Variants in PGR observed in about 807,000 individuals in gnomAD.
The protein encoded by PGR is progesterone receptor, also known as nuclear receptor subfamily 3 group C member 3.
In PGR, 25 loss-of-function variants were observed where a neutral mutation model predicts 76.1. The observed-to-expected ratio is 0.33, with a 90% CI of 0.24 to 0.46. PGR has a LOEUF of 0.46. Ranked by LOEUF, PGR falls within the 20% of genes least tolerant of loss-of-function variation. PGR has a pLI of 1.00. For missense variants in PGR, 1,172 were observed against 1,225.3 expected, an observed-to-expected ratio of 0.96 and a Z score of 0.65; for synonymous variants, 579 against 535.0, an observed-to-expected ratio of 1.08 and a Z score of -1.14.
At chr11:101,102,906 C>G (rs1565359700) in intron 2 of PGR, among the ~76,000 whole-genome samples, 1 of 151,756 alleles carries the variant, frequency 6.6e-6, no homozygotes, top group African/African-American at 2.4e-5. Flanking sequence ...TGAAATTGTT[C>G]CACTTCAGAT....
intron 2 of PGR, among the ~76,000 whole-genome samples, chr11:101,123,325 TA>T (rs1263477853): frequency 6.6e-6 from 1 of 152,212 alleles, no homozygotes; most frequent in Non-Finnish European, 1.5e-5. Context: ...CTGTTTACTT[TA>T]AACTTCTGGC....
intron 3 of PGR, among the ~76,000 whole-genome samples, chr11:101,085,044 C>T (rs1462486082): frequency 6.6e-6 from 1 of 152,108 alleles, no homozygotes; most frequent in Non-Finnish European, 1.5e-5. Context: ...AGAAGACTAA[C>T]AAAGAAATTC....
Position 101,054,386 on chromosome 11 carries a change from C to T in PGR, c.2213-2818G>A, listed in dbSNP as rs112418354. ...TTTTTTAATTTGCATATGACTTGAA[C>T]GTGTCTTCAAGTATAGGTCTACATA... On this transcript the variant is annotated intron_variant, in intron 4 of 7. Coordinates refer to ENST00000325455, the MANE Select transcript of PGR (RefSeq NM_000926.4). Among the ~76,000 whole-genome samples, 1,420 of 152,098 alleles carry T rather than the reference C, an allele frequency of 9.3e-3. 22 individuals are homozygous for T. Among genetic ancestry groups the T allele is most frequent in the African/African-American group, 0.026 (1,058 of 41,486 alleles).
chr11:101,041,227 T>C (rs916420935), intron 7 of PGR, among the ~76,000 whole-genome samples: 4 of 151,968 alleles, frequency 2.6e-5, no homozygotes, highest in Non-Finnish European at 5.9e-5. Flanking sequence ...TGGCTGTCTG[T>C]TCGTATTCAG....
intron 2 of PGR, among the ~76,000 whole-genome samples, chr11:101,100,323 A>G (rs1861959440): frequency 6.6e-6 from 1 of 152,130 alleles, no homozygotes; most frequent in South Asian, 2.1e-4. Flanking sequence ...GTAAAGAAGG[A>G]CATGTTTACT....
intron 3 of PGR, among the ~76,000 whole-genome samples, chr11:101,070,574 G>C (rs79495180): frequency 1.3e-5 from 2 of 152,108 alleles, no homozygotes; most frequent in Non-Finnish European, 2.9e-5. Flanking sequence ...AGATTCACTG[G>C]CTTGAAATTC....
At chr11:101,097,799 C>T (rs586143) in intron 2 of PGR, among the ~76,000 whole-genome samples, 20,584 of 134,442 alleles carry the variant, frequency 0.15, 1,545 homozygotes, top group Middle Eastern at 0.19. Flanking sequence ...TTTTTTTGAG[C>T]GGAGTCTCGC....
intron 3 of PGR, among the ~76,000 whole-genome samples, chr11:101,067,152 C>G (rs1035782123): frequency 1.3e-5 from 2 of 152,148 alleles, no homozygotes; most frequent in African/African-American, 4.8e-5. Flanking sequence ...TGGGGTCTTA[C>G]ACTGACAAGT....
At chr11:101,116,557 C>A (rs955976540) in intron 2 of PGR, among the ~76,000 whole-genome samples, 2 of 151,912 alleles carry the variant, frequency 1.3e-5, no homozygotes, top group Non-Finnish European at 2.9e-5. Context: ...CTGGTCAACA[C>A]GGTGAAACCC....
intron 2 of PGR, among the ~76,000 whole-genome samples, chr11:101,105,371 C>T (rs146250990): frequency 9.9e-5 from 15 of 152,060 alleles, no homozygotes; most frequent in Non-Finnish European, 1.9e-4. Flanking sequence ...GCAATACATC[C>T]GAAGGGGAAT....
At chr11:101,091,151 A>G (rs1372150224) in intron 3 of PGR, among the ~76,000 whole-genome samples, 4 of 152,166 alleles carry the variant, frequency 2.6e-5, no homozygotes, top group African/African-American at 9.7e-5. Flanking sequence ...CTATGTTTTC[A>G]TTCAAACTAT....
At position 101,067,401 on chromosome 11, in the gene PGR, A is replaced by G. The variant is rs146009658; in HGVS notation, c.1907-4649T>C. 2.0e-3 allele frequency among the ~76,000 whole-genome samples: 299 copies of G among 152,272 alleles called. 1 individual carries two copies. Among genetic ancestry groups the G allele is most frequent in the African/African-American group, 6.7e-3 (279 of 41,554 alleles). ...AAAATACAACAATATGACTGACCTC[A>G]TTATTAACCAGAGAAATGCAAAGTA... On this transcript the variant is annotated intron_variant, in intron 3 of 7. Transcript: ENST00000325455.
Position 101,111,585 on chromosome 11 carries a change from C to A in PGR, c.1789+14422G>T, listed in dbSNP as rs149766670. On this transcript the variant is annotated intron_variant, in intron 2 of 7. Transcript: ENST00000325455. Reference sequence around the variant, plus strand: ...CTAGCTGAAATGCCATTTCTGGGTCCCTTTCTTAGATATTTTGACTTGGCT... The same window carrying A: ...CTAGCTGAAATGCCATTTCTGGGTCACTTTCTTAGATATTTTGACTTGGCT... 3.8e-4 allele frequency among the ~76,000 whole-genome samples: 58 copies of A among 152,224 alleles called. No individual in the cohort carries two copies. The East Asian group carries it at 0.011, about 29-fold the overall frequency.
At chr11:101,072,790 G>A (rs915900343) in intron 3 of PGR, among the ~76,000 whole-genome samples, 4 of 152,058 alleles carry the variant, frequency 2.6e-5, no homozygotes, top group African/African-American at 7.2e-5. Flanking sequence ...CTAAAAATAC[G>A]TACTCAATAC....
intron 4 of PGR, among the ~76,000 whole-genome samples, chr11:101,061,065 C>T (rs1472174626): frequency 6.6e-6 from 1 of 151,988 alleles, no homozygotes; most frequent in Non-Finnish European, 1.5e-5. Flanking sequence ...ACTATATCAA[C>T]AAAAACCAAA....
intron 3 of PGR, among the ~76,000 whole-genome samples, chr11:101,066,120 C>T (rs537935025): frequency 3.9e-5 from 6 of 152,116 alleles, no homozygotes; most frequent in Non-Finnish European, 7.4e-5. Context: ...TAATGTATTC[C>T]GTGGAGAAAT....
chr11:101,080,341 T>C (rs1861262579), intron 3 of PGR, among the ~76,000 whole-genome samples: 1 of 151,608 alleles, frequency 6.6e-6, no homozygotes, highest in Non-Finnish European at 1.5e-5. Flanking sequence ...AAGAAGCACA[T>C]AGGGCTGTAG....
chr11:101,111,428 A>G (rs1862338801), intron 2 of PGR, among the ~76,000 whole-genome samples: 1 of 152,216 alleles, frequency 6.6e-6, no homozygotes, highest in Admixed American at 6.5e-5. Flanking sequence ...TCTCCCTGGC[A>G]TGACCTTCTG....
chr11:101,048,496 G>GA (rs1169204788), intron 6 of PGR, among the ~76,000 whole-genome samples: 1 of 152,126 alleles, frequency 6.6e-6, no homozygotes, highest in Non-Finnish European at 1.5e-5. Flanking sequence ...CCTAGGCTAT[G>GA]AACCTGTACA....
Sources: gnomAD v4.1 joint callset for allele counts (sites outside exome capture counted in the v4.1 genomes callset) on GRCh38, gnomAD v4.1.1 for gene constraint, MANE v1.5 for transcripts, NCBI Gene and HGNC (gene_info 2026-07-23, HGNC 2026-07-21) for gene names.